LMF1: variants seen among roughly 807,000 people sequenced by gnomAD.
LMF1 encodes transmembrane protein 112.
A neutral mutation model predicts 60.6 loss-of-function variants in LMF1; 68 were observed. The observed-to-expected ratio is 1.12, with a 90% CI of 0.92 to 1.37. The LOEUF is 1.37. Ranked by LOEUF, LMF1 falls within the 40% of genes most tolerant of loss-of-function variation. LMF1 has a pLI of 0.00. For synonymous variants in LMF1, 418 were observed against 324.7 expected, an observed-to-expected ratio of 1.29 and a Z score of -3.09; for missense variants, 948 against 767.2, an observed-to-expected ratio of 1.24 and a Z score of -2.78.
At chr16:908,737 A>G (rs1392267101) in intron 4 of LMF1, among the ~76,000 whole-genome samples, 1 of 152,248 alleles carries the variant, frequency 6.6e-6, no homozygotes, top group African/African-American at 2.4e-5. Context: ...GGGTTCACAC[A>G]GTAAAAACAG....
intron 3 of LMF1, among the ~76,000 whole-genome samples, chr16:930,933 C>T (rs1283007519): frequency 6.6e-6 from 1 of 152,102 alleles, no homozygotes; most frequent in East Asian, 1.9e-4. Flanking sequence ...CCAGGCTGGC[C>T]AACACTGTGA....
At chr16:888,599 T>G (rs932636047) in intron 5 of LMF1, among the ~76,000 whole-genome samples, 3 of 152,202 alleles carry the variant, frequency 2.0e-5, no homozygotes, top group Admixed American at 1.3e-4. Context: ...AACCTGCTGT[T>G]GCATCCGCGT....
At chr16:979,022 T>C (rs1222018924) in intron 1 of LMF1, 2 of 454,016 alleles carry the variant, frequency 4.4e-6, no homozygotes, top group Admixed American at 2.3e-5. Flanking sequence ...CTTTTGGAGT[T>C]ACCTGCTGCC....
In LMF1 at chr16:912,574, C is replaced by T. The variant is rs938696757; in HGVS notation, c.515-1495G>A. On this transcript the variant is annotated intron_variant, in intron 3 of 10. Transcript: ENST00000262301. ...CGACCCTGGTCTCTGAATGGACAGA[C>T]GGTCAGTCCTTATGCTGCCCCGGCT... is the stretch of plus-strand genomic sequence containing the variant. Among the ~76,000 whole-genome samples, 7 of 152,222 alleles carry T rather than the reference C, an allele frequency of 4.6e-5. No individual in the cohort carries two copies. The South Asian group carries it at 6.2e-4, about 14-fold the overall frequency.
intron 1 of LMF1, chr16:976,657 CTG>C (rs1567348914): frequency 4.4e-6 from 2 of 454,122 alleles, no homozygotes; most frequent in Admixed American, 4.7e-5. Flanking sequence ...CACCCCCACA[CTG>C]AGAGTGGAGA....
upstream of LMF1, among the ~76,000 whole-genome samples, chr16:974,340 T>C (rs2073095904): frequency 6.6e-6 from 1 of 152,136 alleles, no homozygotes; most frequent in African/African-American, 2.4e-5. Flanking sequence ...GGCCCTGCCC[T>C]GAGCGCCTCA....
intron 3 of LMF1, chr16:921,144 T>C (rs2071419900): frequency 6.6e-6 from 1 of 152,262 alleles, no homozygotes; most frequent in Non-Finnish European, 1.5e-5. Flanking sequence ...AAAGACCATT[T>C]TCTTCTGGAG....
chr16:895,276 T>A (rs767263382), intron 4 of LMF1, among the ~76,000 whole-genome samples: 29 of 152,094 alleles, frequency 1.9e-4, no homozygotes, highest in Non-Finnish European at 1.2e-4. Context: ...CCTGGTCGGG[T>A]CAGCCTCGGG....
intron 3 of LMF1, among the ~76,000 whole-genome samples, chr16:924,176 G>A (rs2071526812): frequency 6.6e-6 from 1 of 152,182 alleles, no homozygotes; most frequent in African/African-American, 2.4e-5. Flanking sequence ...GGGTGTGTGA[G>A]GGCAATCCCT....
In LMF1 at chr16:916,219, G is replaced by A. The variant is rs558921057; in HGVS notation, c.515-5140C>T. On this transcript the variant is annotated intron_variant, in intron 3 of 10. Transcript: ENST00000262301. Reference sequence around the variant, plus strand: ...AAACTATTTTAGTTACTTAGGGAGAGTCATTAAATATAGCACAGATGGATC... The same window carrying A: ...AAACTATTTTAGTTACTTAGGGAGAATCATTAAATATAGCACAGATGGATC... 5.9e-5 allele frequency among the ~76,000 whole-genome samples: 9 copies of A among 152,318 alleles called. No homozygotes were observed. In the South Asian group the frequency reaches 1.9e-3, roughly 32 times the overall value.
At chr16:970,669 G>T in intron 1 of LMF1, 119 bp downstream of exon 1, 1 of 928,008 alleles carries the variant, frequency 1.1e-6, no homozygotes, top group Non-Finnish European at 1.6e-6. Context: ...CCAGCAGGAA[G>T]GAGGGCTGCG....
chr16:907,995 G>T (rs765273378), intron 4 of LMF1, among the ~76,000 whole-genome samples: 1 of 152,190 alleles, frequency 6.6e-6, no homozygotes, highest in Non-Finnish European at 1.5e-5. Flanking sequence ...GCATACAACC[G>T]CCTGGCGGCT....
rs1288517943 is a variant in LMF1 at position 948,144 on chromosome 16, C to T, written c.503+6213G>A. 2.0e-3 allele frequency among the ~76,000 whole-genome samples: 272 copies of T among 135,484 alleles called. 3 individuals are homozygous for T. Among genetic ancestry groups the T allele is most frequent in the African/African-American group, 7.2e-3 (254 of 35,412 alleles). The allele number at this position is 135,484 out of a possible 152,430, so 88.9% of individuals were successfully genotyped here. On this transcript the variant is annotated intron_variant, in intron 2 of 10. Transcript: ENST00000262301. ...GTCAGCCAACGACAAAGTCAGCCAA[C>T]GACAGAGTCAGAGCCAACGACAGAG...
rs1172954238 is a variant in LMF1 at position 943,336 on chromosome 16, A to T, written c.504-9082T>A. Reference sequence around the variant, plus strand: ...CAGTGAGCCGAGATCGCGCCACTGCACTCCAGCCTGGGCGACAGAGCGAGA... The same window carrying T: ...CAGTGAGCCGAGATCGCGCCACTGCTCTCCAGCCTGGGCGACAGAGCGAGA... On this transcript the variant is annotated intron_variant, in intron 2 of 10. Transcript: ENST00000262301. 2.0e-5 allele frequency among the ~76,000 whole-genome samples: 3 copies of T among 146,568 alleles called. No individual in the cohort carries two copies. The Admixed American group carries it at 2.1e-4, about 10-fold the overall frequency.
At chr16:876,487 T>G (rs947323838) in intron 6 of LMF1, among the ~76,000 whole-genome samples, 3 of 152,308 alleles carry the variant, frequency 2.0e-5, no homozygotes, top group African/African-American at 7.2e-5. Flanking sequence ...TTATCAGTCC[T>G]GCCTATCAAC....
upstream of LMF1, among the ~76,000 whole-genome samples, chr16:973,915 C>T (rs1022222078): frequency 6.6e-6 from 1 of 150,862 alleles, no homozygotes; most frequent in African/African-American, 2.4e-5. Context: ...GAGGCTGAGG[C>T]AGGAGAATGA....
chr16:922,630 GCGAAGGCCC>G (rs2071466653), intron 3 of LMF1, among the ~76,000 whole-genome samples: 2 of 123,280 alleles, frequency 1.6e-5, no homozygotes, highest in East Asian at 4.7e-4. Flanking sequence ...GCGTGTTGTT[GCGAAGGCCC>G]TGTGTGAAAG....
At position 869,059 on chromosome 16, in the gene LMF1, G is replaced by A; in HGVS notation, c.1417-3C>T. ...ATCCAGTCGTTGTGCTCGTAGGTCT[G>A]GGAGGAGAGGTCGGGCTGGAGACGG... On this transcript the variant is annotated splice_polypyrimidine_tract_variant and splice_region_variant and intron_variant, in intron 9 of 10. Coordinates refer to ENST00000262301, the MANE Select transcript of LMF1 (RefSeq NM_022773.4). 6.2e-7 allele frequency: 1 copy of A among 1,602,386 alleles called. No individual in the cohort carries two copies. The highest frequency in any genetic ancestry group is 8.5e-7 in the Non-Finnish European group (1 of 1,170,422).
In LMF1 at chr16:853,768, C is replaced by T. The variant is rs915694329; in HGVS notation, c.*764G>A. 4 of 454,024 alleles carry T rather than the reference C, an allele frequency of 8.8e-6. No homozygotes were observed. Among genetic ancestry groups the T allele is most frequent in the African/African-American group, 6.0e-5 (3 of 50,002 alleles). 28.1% of individuals were successfully genotyped at this position (454,024 alleles called of 1,614,324 possible). On this transcript the variant is annotated 3_prime_UTR_variant, in exon 11 of 11. Transcript: ENST00000262301. ...CGATGATGAAAGTGTGCACGGCCGG[C>T]TGTCCTCCGATTGAGGGGCCTTGTC...
Sources: gnomAD v4.1 joint callset for allele counts (sites outside exome capture counted in the v4.1 genomes callset) on GRCh38, gnomAD v4.1.1 for gene constraint, MANE v1.5 for transcripts, NCBI Gene and HGNC (gene_info 2026-07-23, HGNC 2026-07-21) for gene names.